Variants in AK9 observed in about 807,000 individuals in gnomAD.
AK9 encodes adenylate kinase domain containing 1.
In AK9, 191 loss-of-function variants were observed where a neutral mutation model predicts 239.6. The observed-to-expected ratio is 0.80, with a 90% confidence interval of 0.71 to 0.90. The LOEUF is 0.90. AK9 is among the 40% of genes least tolerant of loss of function. The pLI, the probability that AK9 is intolerant of heterozygous loss-of-function variation, is 0.00. For missense variants in AK9, 1,995 were observed against 2,214.7 expected (o/e 0.90, Z 1.99); for synonymous variants, 689 against 721.0 (o/e 0.96, Z 0.71).
Position 109,564,175 on chromosome 6 carries a change from G to T in AK9, c.2540C>A (p.Ala847Glu). ...TTTAATGTAAGCCTCACTAATTGTT[G>T]CTTCTAGCTGTTTCCAGAGGATGAT... is the stretch of plus-strand genomic sequence containing the variant. ...SFIILWKQLEATISEAYIKIL... is the reference protein window; with the variant it reads ...SFIILWKQLEETISEAYIKIL... The change falls in exon 23 of 41, where the codon GCA becomes GAA. Residue 847 changes from alanine (A) to glutamate (E), a missense_variant. Around this residue, in one of 5 missense-constraint regions of AK9, gnomAD observed 1,290 missense variants for 1,392.7 expected, o/e 0.93. Coordinates refer to ENST00000424296, the MANE Select transcript of AK9 (RefSeq NM_001145128.3). 6.4e-7 allele frequency: 1 copy of T among 1,551,382 alleles called. No individual in the cohort carries two copies. The highest frequency in any genetic ancestry group is 8.7e-7 in the Non-Finnish European group (1 of 1,146,858).
chr6:109,579,497 G>C (rs78959537), intron 20 of AK9, 53 bp downstream of exon 20: 1 of 1,452,020 alleles, frequency 6.9e-7, no homozygotes, highest in South Asian at 1.3e-5. Context: ...TACTGCAATT[G>C]CTTGCAGTAA....
At chr6:109,671,846 C>T in intron 5 of AK9, 73 bp downstream of exon 5, 1 of 1,377,094 alleles carries the variant, frequency 7.3e-7, no homozygotes, top group Non-Finnish European at 1.0e-6. Context: ...ACTCCAGAAA[C>T]TATTTTTGCC....
At chr6:109,646,769 C>G (rs1798119596) in intron 8 of AK9, among the ~76,000 whole-genome samples, 1 of 152,074 alleles carries the variant, frequency 6.6e-6, no homozygotes, top group South Asian at 2.1e-4. Context: ...AGAAGAGCAA[C>G]CCCAAGACAC....
chr6:109,668,057 C>A (rs1178503912), intron 5 of AK9, among the ~76,000 whole-genome samples: 1 of 152,204 alleles, frequency 6.6e-6, no homozygotes, highest in Non-Finnish European at 1.5e-5. Context: ...TCCTCTCCAG[C>A]ACCTGTTGTT....
chr6:109,609,796 T>C (rs1213824245), intron 17 of AK9, among the ~76,000 whole-genome samples: 1 of 152,268 alleles, frequency 6.6e-6, no homozygotes, highest in African/African-American at 2.4e-5. Flanking sequence ...GAATGTTTAC[T>C]TAAGATCTTT....
intron 21 of AK9, among the ~76,000 whole-genome samples, chr6:109,568,518 A>G (rs1343503268): frequency 6.6e-6 from 1 of 152,208 alleles, no homozygotes; most frequent in African/African-American, 2.4e-5. Flanking sequence ...ATGATTGTAT[A>G]TTTAGAAAAC....
intron 17 of AK9, among the ~76,000 whole-genome samples, chr6:109,590,405 G>A (rs11153196): frequency 0.19 from 28,725 of 152,074 alleles, 3,181 homozygotes; most frequent in South Asian, 0.34. Flanking sequence ...TGTTGCATCA[G>A]TTGTAATGAC....
rs750395007 is a variant in AK9 at position 109,506,428 on chromosome 6, A to G, written c.4748T>C (p.Ile1583Thr). 3 of 1,613,874 alleles carry G rather than the reference A, an allele frequency of 1.9e-6. No homozygotes were observed. The highest frequency in any genetic ancestry group is 1.7e-5 in the Admixed American group (1 of 60,026). The change falls in exon 35 of 41, where the codon ATT becomes ACT. Residue 1583 changes from isoleucine (I) to threonine (T), a missense_variant. Transcript: ENST00000424296. ...CCACCATTTGCTGTGAAATCCATCA[A>G]TCACATACCAGTTCTGATGCTGTTC... Reference protein sequence around the residue: ...YQEQHQNWYVIDGFHSKWWVW... With the variant: ...YQEQHQNWYVTDGFHSKWWVW...
rs141654848 is a variant in AK9, at chr6:109,550,125, G to A, written c.2929C>T (p.Pro977Ser). 6.2e-7 allele frequency: 1 copy of A among 1,613,816 alleles called. No individual in the cohort carries two copies. Among genetic ancestry groups the A allele is most frequent in the Non-Finnish European group, 8.5e-7 (1 of 1,180,008 alleles). Residue 977 changes from proline to serine, a missense_variant, in exon 25 of 41, where the codon CCT becomes TCT. By Grantham distance (74) the Pro-to-Ser change is moderately conservative (BLOSUM62 -1). This residue lies in a region of AK9 where 1,290 missense variants were observed against 1,392.7 expected (regional missense o/e 0.93). Transcript: ENST00000424296. ...TCTTCATGAGCCACATAATCCTCAG[G>A]ATGCTCCAAAAACTTTTCTTTAGCC... Reference protein sequence around the residue: ...AEAKEKFLEHPEDYVAHEEPL... With the variant: ...AEAKEKFLEHSEDYVAHEEPL...
chr6:109,638,915 C>T (rs529391784), intron 10 of AK9, among the ~76,000 whole-genome samples: 1 of 152,116 alleles, frequency 6.6e-6, no homozygotes, highest in Non-Finnish European at 1.5e-5. Flanking sequence ...GGTTTTCTGT[C>T]CTTGCCATAG....
At chr6:109,586,111 G>C (rs1789475032) in intron 17 of AK9, 39 bp from the exon 18 acceptor site, 1 of 1,481,332 alleles carries the variant, frequency 6.8e-7, no homozygotes, top group African/African-American at 1.4e-5. Flanking sequence ...ATCATAGCTT[G>C]ACAAGTCAAG....
At chr6:109,548,938 C>G (rs1335959033) in intron 25 of AK9, among the ~76,000 whole-genome samples, 1 of 152,156 alleles carries the variant, frequency 6.6e-6, no homozygotes. Flanking sequence ...ACTGGTCAAG[C>G]ACAAAGGTCA....
intron 24 of AK9, among the ~76,000 whole-genome samples, chr6:109,562,219 A>G (rs1785864882): frequency 6.6e-6 from 1 of 152,072 alleles, no homozygotes; most frequent in Admixed American, 6.5e-5. Context: ...TTTTTTTCAG[A>G]ATCTTTTTCC....
chr6:109,563,765 A>C, intron 23 of AK9, 53 bp from the exon 24 acceptor site: 1 of 1,493,606 alleles, frequency 6.7e-7, no homozygotes, highest in Non-Finnish European at 9.1e-7. Context: ...AAAGGTTATT[A>C]GCATATTACT....
intron 1 of AK9, chr6:109,690,418 C>G (rs1005443840): frequency 6.6e-6 from 1 of 152,196 alleles, no homozygotes; most frequent in Admixed American, 6.5e-5. Flanking sequence ...CAACAGATAC[C>G]AAGATGCCTC....
intron 19 of AK9, among the ~76,000 whole-genome samples, chr6:109,581,128 G>A (rs1415020210): frequency 2.0e-5 from 3 of 151,992 alleles, no homozygotes; most frequent in Non-Finnish European, 4.4e-5. Context: ...CTGCTCCACT[G>A]ACTGGCTGAT....
At chr6:109,535,767 T>G (rs143133850) in intron 27 of AK9, among the ~76,000 whole-genome samples, 5,441 of 152,334 alleles carry the variant, frequency 0.036, 322 homozygotes, top group African/African-American at 0.13. Flanking sequence ...TAATCCATCT[T>G]GAATTAATTT....
chr6:109,624,511 C>A (rs1054274600), intron 12 of AK9, among the ~76,000 whole-genome samples: 4 of 152,184 alleles, frequency 2.6e-5, no homozygotes, highest in East Asian at 1.9e-4. Context: ...GCCACTCCCC[C>A]CAAAAATTGT....
chr6:109,493,842 C>A, intron 40 of AK9, 139 bp downstream of exon 40: 1 of 708,068 alleles, frequency 1.4e-6, no homozygotes, highest in South Asian at 2.1e-5. Flanking sequence ...AAAATATTTG[C>A]CCTGTATTGT....
Sources: allele counts gnomAD v4.1 joint callset (sites outside exome capture counted in the v4.1 genomes callset), GRCh38; gene constraint gnomAD v4.1.1; regional missense constraint gnomAD v4.1.1; transcripts MANE v1.5; gene names NCBI Gene and HGNC (gene_info 2026-07-23, HGNC 2026-07-21).